OTOG: variants seen among roughly 807,000 people sequenced by gnomAD.
OTOG encodes the protein otogelin.
In OTOG, 296 loss-of-function variants were observed where a neutral mutation model predicts 313.8. The observed-to-expected ratio is 0.94, with a 90% CI of 0.86 to 1.04. The LOEUF is 1.04. OTOG is among the 50% of genes least tolerant of loss of function. The probability of loss-of-function intolerance (pLI) is 0.00; values close to 1 mark genes in which losing one functional copy is unlikely to be tolerated. For missense variants in OTOG, 3,948 were observed against 3,840.1 expected, an observed-to-expected ratio of 1.03 and a Z score of -0.74; for synonymous variants, 1,533 against 1,554.9, an observed-to-expected ratio of 0.99 and a Z score of 0.33.
intron 39 of OTOG, among the ~76,000 whole-genome samples, chr11:17,623,040 G>C (rs11823537): frequency 0.097 from 14,750 of 152,192 alleles, 1,372 homozygotes; most frequent in African/African-American, 0.24. Flanking sequence ...GCCATTTTAA[G>C]TGGAGCGAGA....
intron 39 of OTOG, 97 bp downstream of exon 39, chr11:17,613,798 T>A: frequency 1.0e-6 from 1 of 980,200 alleles, no homozygotes; most frequent in Non-Finnish European, 1.6e-6. Flanking sequence ...GAATCATGAT[T>A]CAGGGCAGGG....
intron 28 of OTOG, among the ~76,000 whole-genome samples, chr11:17,595,387 G>A (rs570427691): frequency 6.6e-6 from 1 of 151,084 alleles, no homozygotes; most frequent in East Asian, 1.9e-4. Context: ...GGAAACATCT[G>A]TATTAGTTAT....
In OTOG at chr11:17,643,449, T is replaced by G. The variant is rs1366905183; in HGVS notation, c.8416-12T>G. The G allele has an allele frequency of 7.7e-6, 11 of 1,434,890 alleles. No homozygotes were observed. Among genetic ancestry groups the G allele is most frequent in the Non-Finnish European group, 1.0e-5 (11 of 1,089,466 alleles). The allele number at this position is 1,434,890 out of a possible 1,614,324, so 88.9% of individuals were successfully genotyped here. A position where few individuals can be genotyped will look rare whatever the true frequency, so the allele number is the denominator to read the frequency against. On this transcript the variant is annotated splice_polypyrimidine_tract_variant and intron_variant, in intron 53 of 55. Transcript: ENST00000399397. ...CCACACCTACCTACCTCCCCCGACT[T>G]CCTCTCTCTAGGTTGGGGGTTCCGT...
At chr11:17,566,407 C>A (rs959452336) in intron 15 of OTOG, among the ~76,000 whole-genome samples, 2 of 152,158 alleles carry the variant, frequency 1.3e-5, no homozygotes, top group African/African-American at 4.8e-5. Flanking sequence ...TTGGTTGAAT[C>A]CATGGATGCA....
intron 15 of OTOG, among the ~76,000 whole-genome samples, chr11:17,562,270 G>T (rs1305852989): frequency 1.3e-5 from 2 of 148,990 alleles, no homozygotes; most frequent in Non-Finnish European, 3.0e-5. Context: ...AAATGTAATG[G>T]CTATCTACAA....
chr11:17,552,171 C>T lies in OTOG; in HGVS notation c.292+96C>T, dbSNP rs1052571950. On this transcript the variant is annotated intron_variant, in intron 4 of 55. Coordinates refer to ENST00000399397, the MANE Select transcript of OTOG (RefSeq NM_001292063.2). ...AGGGCAGGTGGGGCTTCCCTCAGGC[C>T]TCCATGACCCCTTTTTCCTGCTTGG... 8 of 1,203,456 alleles carry T rather than the reference C, an allele frequency of 6.6e-6. No homozygotes were observed. In the Admixed American group the frequency reaches 8.1e-5, roughly 12 times the overall value. The allele number at this position is 1,203,456 out of a possible 1,614,324, so 74.5% of individuals were successfully genotyped here.
chr11:17,558,496 C>G (rs1423692764), intron 9 of OTOG, 42 bp from the exon 10 acceptor site: 1 of 1,547,180 alleles, frequency 6.5e-7, no homozygotes, highest in Non-Finnish European at 8.7e-7. Flanking sequence ...CTGTGTGTGG[C>G]TTTGCCAGCC....
rs1483182755 is a variant in OTOG, at chr11:17,560,831, G to A, written c.1451+14G>A. ...CTGCAATACTTGGTCTGTGTCTGCT[G>A]CCGGGAAGCAGGGTGTGGGGCATGG... On this transcript the variant is annotated intron_variant, in intron 13 of 55. Coordinates refer to ENST00000399397, the MANE Select transcript of OTOG (RefSeq NM_001292063.2). The A allele has an allele frequency of 1.9e-6, 3 of 1,540,570 alleles. No homozygotes were observed. Among genetic ancestry groups the A allele is most frequent in the Non-Finnish European group, 2.6e-6 (3 of 1,137,832 alleles).
rs1852187246 is a variant in OTOG at position 17,561,664 on chromosome 11, G to C, written c.1501G>C (p.Glu501Gln). ...AGTGGCCTTTTTCTACCTCTCAGCT[G>C]AGTGCTCAGTGACTGGTGACATTCA... ...WECSTAVCPA[E>Q]CSVTGDIHFT... Residue 501 changes from glutamate to glutamine, a missense_variant and splice_region_variant, in exon 15 of 56, where the codon GAG (glutamate) becomes CAG (glutamine). Physicochemically the swap from Glu to Gln is conservative, Grantham distance 29. Transcript: ENST00000399397. 1 of 1,550,560 alleles carries C rather than the reference G, an allele frequency of 6.4e-7. No homozygotes were observed. Among genetic ancestry groups the C allele is most frequent in the Admixed American group, 2.0e-5 (1 of 51,002 alleles).
At chr11:17,643,119 G>T (rs1172338518) in intron 53 of OTOG, among the ~76,000 whole-genome samples, 3 of 152,244 alleles carry the variant, frequency 2.0e-5, no homozygotes, top group African/African-American at 7.2e-5. Context: ...TGACCAAAGT[G>T]GGTGACCCCT....
chr11:17,578,254 C>A (rs1852582497), intron 22 of OTOG, 119 bp from the exon 23 acceptor site: 1 of 1,408,152 alleles, frequency 7.1e-7, no homozygotes, highest in African/African-American at 1.5e-5. Context: ...CCAGGAGCGA[C>A]CAGGGAGGGA....
rs569343875 is a variant in OTOG at position 17,570,768 on chromosome 11, G to A, written c.1955+378G>A. Among the ~76,000 whole-genome samples, 359 of 152,282 alleles carry A rather than the reference G, an allele frequency of 2.4e-3. 2 individuals carry two copies. The highest frequency in any genetic ancestry group is 3.8e-3 in the Non-Finnish European group (261 of 68,018). ...TAAAACCGGGGACCTCAGACTGACT[G>A]ATTTGGCTCATGGTTTTGTTTGTTT... On this transcript the variant is annotated intron_variant, in intron 17 of 55. Transcript: ENST00000399397.
chr11:17,550,163 A>T (rs1592058266), intron 3 of OTOG, among the ~76,000 whole-genome samples: 1 of 152,366 alleles, frequency 6.6e-6, no homozygotes, highest in East Asian at 1.9e-4. Context: ...TGTCACCAAT[A>T]GACATGACAG....
chr11:17,641,760 C>G, intron 51 of OTOG, 87 bp from the exon 52 acceptor site: 1 of 977,952 alleles, frequency 1.0e-6, no homozygotes, highest in South Asian at 1.6e-5. Flanking sequence ...CTTCCAGGCT[C>G]TGGGATCCCT....
In OTOG at chr11:17,606,069, G is replaced by A; in HGVS notation, c.4090G>A (p.Val1364Met). ...PSSFLYVSGAVLALRLYEHTE... is the reference protein window; with the variant it reads ...PSSFLYVSGAMLALRLYEHTE... ...CTCCTTCCTCTATGTGTCGGGCGCG[G>A]TGCTGGCCCTGCGGCTGTACGAACA... Residue 1364 changes from valine to methionine, a missense_variant, in exon 33 of 56, where the codon GTG (valine) becomes ATG (methionine). Transcript: ENST00000399397. 6.5e-7 allele frequency: 1 copy of A among 1,550,224 alleles called. No individual in the cohort carries two copies.
Position 17,645,835 on chromosome 11 carries a change from G to A in OTOG, c.8633G>A (p.Arg2878His), listed in dbSNP as rs375127426. Residue 2878 changes from arginine (R) to histidine (H), a missense_variant, in exon 56 of 56, where the codon CGT becomes CAT. Physicochemically the swap from Arg to His is conservative, Grantham distance 29 (BLOSUM62 0). Coordinates refer to ENST00000399397, the MANE Select transcript of OTOG (RefSeq NM_001292063.2). ...NTYARFCKCC[R>H]EVGLQRRSVQ... ...TATGCCCGATTCTGCAAGTGCTGCC[G>A]TGAGGTGGGCCTGCAGCGGCGCTCT... 6.8e-5 allele frequency: 105 copies of A among 1,550,994 alleles called. 1 individual carries two copies. Among genetic ancestry groups the A allele is most frequent in the African/African-American group, 6.0e-4 (44 of 73,178 alleles).
At position 17,612,765 on chromosome 11, in the gene OTOG, G is replaced by A; in HGVS notation, c.6438G>A (p.Leu2146=). Residue 2146 remains leucine, a splice_region_variant and synonymous_variant, in exon 38 of 56, where the codon CTG becomes CTA. Transcript: ENST00000399397. ...TACTGGACTGCAAAAGTGCCAACCT[G>A]GTGCCTGCCCCATACCTCCCTCCCT... ...VHVLDCKSAN[L]GHLNWPPFCL... The A allele has an allele frequency of 6.5e-7, 1 of 1,550,172 alleles. No homozygotes were observed. The highest frequency in any genetic ancestry group is 8.7e-7 in the Non-Finnish European group (1 of 1,146,788).
chr11:17,644,147 G>A (rs563366594), intron 54 of OTOG, among the ~76,000 whole-genome samples: 1 of 152,388 alleles, frequency 6.6e-6, no homozygotes, highest in South Asian at 2.1e-4. Context: ...GTAGTGAGCT[G>A]TATCCCCTGG....
intron 15 of OTOG, among the ~76,000 whole-genome samples, chr11:17,567,063 T>G (rs190085092): frequency 1.9e-4 from 29 of 152,354 alleles, no homozygotes; most frequent in African/African-American, 5.5e-4. Flanking sequence ...AAATGTTGTT[T>G]TATCTCTGTT....
Sources: gnomAD v4.1 joint callset for allele counts (sites outside exome capture counted in the v4.1 genomes callset) on GRCh38, gnomAD v4.1.1 for gene constraint, MANE v1.5 for transcripts, NCBI Gene and HGNC (gene_info 2026-07-23, HGNC 2026-07-21) for gene names.